Variants in DYRK1A observed in about 807,000 individuals in gnomAD.
The protein encoded by DYRK1A is dual specificity tyrosine-phosphorylation-regulated kinase 1A.
A neutral mutation model predicts 79.7 loss-of-function variants in DYRK1A; 9 were observed. That is an observed-to-expected ratio of 0.11 (90% CI 0.07 to 0.20). DYRK1A has a LOEUF of 0.20. DYRK1A is among the 10% of genes least tolerant of loss of function. The pLI is 1.00. For missense variants in DYRK1A, 622 were observed against 956.0 expected (o/e 0.65, Z 4.61); for synonymous variants, 349 against 329.7 (o/e 1.06, Z -0.63).
At chr21:37,380,000 A>G (rs1276855502) in intron 1 of DYRK1A, among the ~76,000 whole-genome samples, 2 of 152,192 alleles carry the variant, frequency 1.3e-5, no homozygotes, top group Non-Finnish European at 2.9e-5. Flanking sequence ...AGGCCTAAGG[A>G]CTTAGTCTAG....
In DYRK1A at chr21:37,505,576, A is replaced by G. The variant is rs760555834; in HGVS notation, c.1506A>G (p.Thr502=). Residue 502 remains threonine, a synonymous_variant, in exon 10 of 12, where the codon ACA becomes ACG. Transcript: ENST00000647188. ...QSQSSGTTSS[T]SSSSGGSSGT... The stretch of plus-strand genomic sequence containing the variant: ...AGTCTTCGGGCACCACCTCCAGTAC[A>G]TCGTCAAGCTCAGGTCTGTGCTGCT... 8 of 1,604,156 alleles carry G rather than the reference A, an allele frequency of 5.0e-6. No individual in the cohort carries two copies. The highest frequency in any genetic ancestry group is 3.3e-5 in the South Asian group (3 of 90,904).
At chr21:37,394,628 G>T (rs951237068) in intron 1 of DYRK1A, among the ~76,000 whole-genome samples, 1 of 152,188 alleles carries the variant, frequency 6.6e-6, no homozygotes, top group Middle Eastern at 3.4e-3. Flanking sequence ...ATAGGAGCGC[G>T]AACCCTGTTG....
chr21:37,494,085 T>G (rs1410044275), intron 8 of DYRK1A, among the ~76,000 whole-genome samples: 2 of 151,936 alleles, frequency 1.3e-5, no homozygotes, highest in African/African-American at 4.8e-5. Context: ...AGAGTTGATG[T>G]TTCACCATGT....
chr21:37,483,143 G>C (rs1286058310), intron 5 of DYRK1A, among the ~76,000 whole-genome samples: 2 of 152,226 alleles, frequency 1.3e-5, no homozygotes, highest in Non-Finnish European at 1.5e-5. Flanking sequence ...GATTGGGGAA[G>C]TGATAAGTGT....
intron 2 of DYRK1A, chr21:37,421,982 C>T (rs1045097212): frequency 6.6e-6 from 1 of 152,150 alleles, no homozygotes; most frequent in African/African-American, 2.4e-5. Context: ...TATTTATCCT[C>T]ACAAGACATG....
At chr21:37,505,053 C>T (rs1425149235) in intron 9 of DYRK1A, 5 of 499,186 alleles carry the variant, frequency 1.0e-5, no homozygotes, top group Non-Finnish European at 1.8e-5. Context: ...GTTTACTGAC[C>T]CCTGGGCTAA....
At chr21:37,457,005 A>G (rs1440657802) in intron 2 of DYRK1A, among the ~76,000 whole-genome samples, 1 of 148,544 alleles carries the variant, frequency 6.7e-6, no homozygotes, top group East Asian at 2.1e-4. Context: ...TGAGAGGTAA[A>G]AAGAAAATTT....
At chr21:37,460,084 G>T (rs948024936) in intron 2 of DYRK1A, among the ~76,000 whole-genome samples, 2 of 151,604 alleles carry the variant, frequency 1.3e-5, no homozygotes, top group Non-Finnish European at 2.9e-5. Context: ...TGCTATGTTA[G>T]ATTTGTTGCT....
chr21:37,446,201 C>T (rs1232937043), intron 2 of DYRK1A, among the ~76,000 whole-genome samples: 1 of 152,162 alleles, frequency 6.6e-6, no homozygotes, highest in Non-Finnish European at 1.5e-5. Flanking sequence ...AAAAGTTTTC[C>T]TGAGCATTGG....
Position 37,470,339 on chromosome 21 carries a change from T to C in DYRK1A, c.11-2345T>C, listed in dbSNP as rs116612254. Among the ~76,000 whole-genome samples the C allele has an allele frequency of 9.1e-3, 1,391 of 152,306 alleles. 18 individuals are homozygous for C. Among genetic ancestry groups the C allele is most frequent in the African/African-American group, 0.032 (1,335 of 41,558 alleles). On this transcript the variant is annotated intron_variant, in intron 2 of 11. Coordinates refer to ENST00000647188, the MANE Select transcript of DYRK1A (RefSeq NM_001347721.2). ...ATTTAAGCTTTGTGCTAATGATTTT[T>C]ATCCTCTTTTCTACAATATTGCATT... is the stretch of plus-strand genomic sequence containing the variant.
At chr21:37,432,566 T>G (rs1218326962) in intron 2 of DYRK1A, among the ~76,000 whole-genome samples, 1 of 152,136 alleles carries the variant, frequency 6.6e-6, no homozygotes, top group Non-Finnish European at 1.5e-5. Flanking sequence ...ATTGAAAAAT[T>G]TTATCCACTT....
intron 2 of DYRK1A, among the ~76,000 whole-genome samples, chr21:37,458,306 GTACATA>G (rs1037545175): frequency 1.3e-4 from 20 of 150,560 alleles, no homozygotes; most frequent in Non-Finnish European, 2.5e-4. Context: ...GTGTGTGTGT[GTACATA>G]TACATATGTA....
At chr21:37,386,191 G>T (rs1436910029) in intron 1 of DYRK1A, among the ~76,000 whole-genome samples, 1 of 151,986 alleles carries the variant, frequency 6.6e-6, no homozygotes, top group East Asian at 1.9e-4. Context: ...CTATATTATG[G>T]TGAGTTGTAT....
chr21:37,366,687 C>CCCA (rs1275787428), upstream of DYRK1A, among the ~76,000 whole-genome samples: 1 of 151,780 alleles, frequency 6.6e-6, no homozygotes, highest in Non-Finnish European at 1.5e-5. Context: ...CAACAGGCCC[C>CCCA]GCCCGCCGGC....
rs117936552 is a variant in DYRK1A, at chr21:37,520,994, C to G, written c.*8463C>G. The G allele has an allele frequency of 6.6e-6, 1 of 152,222 alleles. No homozygotes were observed. Among genetic ancestry groups the G allele is most frequent in the Admixed American group, 6.5e-5 (1 of 15,278 alleles). 9.4% of individuals were successfully genotyped at this position (152,222 alleles called of 1,614,324 possible). ...CCCAGGAATGTGGGTGCTGGAGAGA[C>G]GGGCTACCTCTTTCTGTAGGCGGAT... is the stretch of plus-strand genomic sequence containing the variant. On this transcript the variant is annotated 3_prime_UTR_variant, in exon 12 of 12. Coordinates refer to ENST00000647188, the MANE Select transcript of DYRK1A (RefSeq NM_001347721.2).
In DYRK1A at chr21:37,522,285, G is replaced by C. The variant is rs972018300; in HGVS notation, c.*9754G>C. On this transcript the variant is annotated 3_prime_UTR_variant, in exon 12 of 12. Transcript: ENST00000647188. Reference sequence around the variant, plus strand: ...TGGATGAGAATCTGCATTTGAACAAGGTCCCCAGGTCATTCATGCACATTC... The same window carrying C: ...TGGATGAGAATCTGCATTTGAACAACGTCCCCAGGTCATTCATGCACATTC... 1.3e-5 allele frequency: 2 copies of C among 152,148 alleles called. No homozygotes were observed. Among genetic ancestry groups the C allele is most frequent in the Admixed American group, 6.5e-5 (1 of 15,280 alleles). 9.4% of individuals were successfully genotyped at this position (152,148 alleles called of 1,614,324 possible).
At chr21:37,435,176 T>C (rs1210457008) in intron 2 of DYRK1A, among the ~76,000 whole-genome samples, 1 of 152,216 alleles carries the variant, frequency 6.6e-6, no homozygotes, top group Non-Finnish European at 1.5e-5. Context: ...TCATTTCTTG[T>C]TTATTGCTTG....
chr21:37,472,816 T>C lies in DYRK1A; in HGVS notation c.143T>C (p.Ile48Thr), dbSNP rs1303278052. The part of the protein sequence containing the change: ...HQYSDRRQPN[I>T]SDQQVSALSY... ...TACAGTGACCGTCGCCAGCCAAACA[T>C]AAGTGACCAACAGGTTTCTGCCTTA... Residue 48 changes from isoleucine (I) to threonine (T), a missense_variant, in exon 3 of 12, where the codon ATA becomes ACA. Around this residue, in one of 5 missense-constraint regions of DYRK1A, gnomAD observed 91 missense variants for 113.8 expected, o/e 0.80. Coordinates refer to ENST00000647188, the MANE Select transcript of DYRK1A (RefSeq NM_001347721.2). 6.2e-7 allele frequency: 1 copy of C among 1,609,628 alleles called. No individual in the cohort carries two copies. The highest frequency in any genetic ancestry group is 8.5e-7 in the Non-Finnish European group (1 of 1,176,884).
At chr21:37,491,430 T>A (rs1321101900) in intron 7 of DYRK1A, among the ~76,000 whole-genome samples, 1 of 152,220 alleles carries the variant, frequency 6.6e-6, no homozygotes, top group Non-Finnish European at 1.5e-5. Flanking sequence ...ATACAGATGT[T>A]AATTTTTCTT....
Sources: gnomAD v4.1 joint callset for allele counts (sites outside exome capture counted in the v4.1 genomes callset) on GRCh38, gnomAD v4.1.1 for gene constraint, gnomAD v4.1.1 regional missense constraint, MANE v1.5 for transcripts, NCBI Gene and HGNC (gene_info 2026-07-23, HGNC 2026-07-21) for gene names.